XYLT1: variants seen among roughly 807,000 people sequenced by gnomAD.
XYLT1 encodes the protein beta-D-xylosyltransferase 1.
XYLT1 carries 36 observed loss-of-function variants against 91.3 expected under a neutral mutation model. The observed-to-expected ratio is 0.39, with a 90% confidence interval of 0.30 to 0.52. The LOEUF (loss-of-function observed/expected upper bound fraction) is 0.52. XYLT1 is among the 20% of genes least tolerant of loss of function. The pLI is 0.68. For missense variants in XYLT1, 1,242 were observed against 1,284.5 expected, an observed-to-expected ratio of 0.97 and a Z score of 0.51; for synonymous variants, 588 against 532.0, an observed-to-expected ratio of 1.11 and a Z score of -1.45.
chr16:17,456,434 G>A (rs746254797), intron 1 of XYLT1, among the ~76,000 whole-genome samples: 25 of 150,760 alleles, frequency 1.7e-4, no homozygotes, highest in Non-Finnish European at 3.7e-4. Context: ...ACCTCCCAGG[G>A]TCAAGTGATC....
At chr16:17,324,098 C>A (rs888921699) in intron 2 of XYLT1, among the ~76,000 whole-genome samples, 3 of 152,116 alleles carry the variant, frequency 2.0e-5, no homozygotes, top group Non-Finnish European at 4.4e-5. Flanking sequence ...ACATGCTTCC[C>A]AACTCATCTT....
At chr16:17,469,354 AACAG>A (rs769650605) in intron 1 of XYLT1, among the ~76,000 whole-genome samples, 46 of 152,354 alleles carry the variant, frequency 3.0e-4, no homozygotes, top group Non-Finnish European at 6.0e-4. Context: ...GTGATGAAGA[AACAG>A]ACAGACACAC....
At chr16:17,408,638 G>C (rs991512632) in intron 1 of XYLT1, among the ~76,000 whole-genome samples, 4 of 152,228 alleles carry the variant, frequency 2.6e-5, no homozygotes, top group African/African-American at 9.6e-5. Context: ...CTGAAGTCAG[G>C]AGTTTGAGAC....
chr16:17,167,957 C>T (rs2031737641), intron 5 of XYLT1, among the ~76,000 whole-genome samples: 1 of 152,190 alleles, frequency 6.6e-6, no homozygotes, highest in South Asian at 2.1e-4. Context: ...CCTCCACACT[C>T]CAGACGGTTT....
In XYLT1 at chr16:17,112,988, C is replaced by T. The variant is rs141077890; in HGVS notation, c.2558-3971G>A. 6.1e-3 allele frequency among the ~76,000 whole-genome samples: 932 copies of T among 152,000 alleles called. 9 individuals carry two copies. The highest frequency in any genetic ancestry group is 0.021 in the African/African-American group (867 of 41,426). On this transcript the variant is annotated intron_variant, in intron 11 of 11. Transcript: ENST00000261381. Reference sequence around the variant, plus strand: ...CCGAGTAGCTGGGATCACAGGCACACGTCACCACACCCGGCTAATTTTGTA... The same window carrying T: ...CCGAGTAGCTGGGATCACAGGCACATGTCACCACACCCGGCTAATTTTGTA...
intron 1 of XYLT1, among the ~76,000 whole-genome samples, chr16:17,396,111 C>T (rs958704731): frequency 2.0e-5 from 3 of 152,198 alleles, no homozygotes; most frequent in African/African-American, 7.2e-5. Context: ...CCCAGGCAGA[C>T]TCTCTGAGTC....
chr16:17,413,954 T>C (rs1231969537), intron 1 of XYLT1, among the ~76,000 whole-genome samples: 1 of 152,168 alleles, frequency 6.6e-6, no homozygotes, highest in Non-Finnish European at 1.5e-5. Context: ...AGCAGGCAGC[T>C]AGAGACCCCT....
At chr16:17,277,465 C>T (rs2033994658) in intron 2 of XYLT1, among the ~76,000 whole-genome samples, 1 of 152,182 alleles carries the variant, frequency 6.6e-6, no homozygotes, top group Non-Finnish European at 1.5e-5. Context: ...TCTCCAATCA[C>T]TGCAACCTCT....
rs74876822 is a variant in XYLT1, at chr16:17,235,571, C to T, written c.913+23417G>A. ...TGCACGAAAGGGACTGTTTGTTTCT[C>T]AGTCCCCAAAGACGCGCTGAGTCAC... On this transcript the variant is annotated intron_variant, in intron 3 of 11. Transcript: ENST00000261381. Among the ~76,000 whole-genome samples, 217 of 152,264 alleles carry T rather than the reference C, an allele frequency of 1.4e-3. 1 individual carries two copies. Among genetic ancestry groups the T allele is most frequent in the African/African-American group, 5.1e-3 (212 of 41,556 alleles).
intron 6 of XYLT1, among the ~76,000 whole-genome samples, chr16:17,151,779 G>A (rs2141532951): frequency 6.6e-6 from 1 of 152,312 alleles, no homozygotes. Context: ...TCTGGCAGAT[G>A]GGGTTCAGGC....
At chr16:17,271,141 CCTAA>C (rs1417551230) in intron 2 of XYLT1, among the ~76,000 whole-genome samples, 8 of 124,464 alleles carry the variant, frequency 6.4e-5, no homozygotes, top group South Asian at 2.6e-4. Context: ...AGAGAGGCCT[CCTAA>C]CTGTTTTTTG....
intron 2 of XYLT1, among the ~76,000 whole-genome samples, chr16:17,346,317 G>A (rs919267566): frequency 1.4e-4 from 21 of 152,128 alleles, no homozygotes; most frequent in Admixed American, 1.1e-3. Flanking sequence ...ACCCTAGGAG[G>A]ATCCAGAGTC....
chr16:17,138,725 A>ATAAATT, intron 7 of XYLT1, 194 bp from the exon 8 acceptor site: 1 of 566,672 alleles, frequency 1.8e-6, no homozygotes, highest in Non-Finnish European at 3.0e-6. Flanking sequence ...TCTTTTCTTT[A>ATAAATT]TAAATTACCA....
At chr16:17,465,735 T>C (rs1420164029) in intron 1 of XYLT1, among the ~76,000 whole-genome samples, 3 of 152,196 alleles carry the variant, frequency 2.0e-5, no homozygotes, top group South Asian at 2.1e-4. Flanking sequence ...CCCTACACTG[T>C]ACGGGAAAAT....
chr16:17,158,577 T>G (rs1168310786), intron 6 of XYLT1, among the ~76,000 whole-genome samples: 1 of 152,218 alleles, frequency 6.6e-6, no homozygotes, highest in Non-Finnish European at 1.5e-5. Context: ...GATATTGGAC[T>G]TGTGGAAGTC....
At chr16:17,410,381 TCA>T (rs1485339312) in intron 1 of XYLT1, among the ~76,000 whole-genome samples, 1 of 152,136 alleles carries the variant, frequency 6.6e-6, no homozygotes, top group Non-Finnish European at 1.5e-5. Context: ...TGGAGAGGCC[TCA>T]CAACCATGGC....
chr16:17,412,436 C>T (rs1437428731), intron 1 of XYLT1, among the ~76,000 whole-genome samples: 1 of 151,290 alleles, frequency 6.6e-6, no homozygotes, highest in African/African-American at 2.4e-5. Context: ...TTAACTCAGC[C>T]TAGACTCTAC....
chr16:17,384,240 G>A (rs1462559138), intron 1 of XYLT1, among the ~76,000 whole-genome samples: 1 of 151,644 alleles, frequency 6.6e-6, no homozygotes, highest in African/African-American at 2.4e-5. Context: ...GAAAGCAAAT[G>A]AGCAGGTAGG....
At chr16:17,183,440 A>G (rs1597175077) in intron 5 of XYLT1, among the ~76,000 whole-genome samples, 1 of 122,742 alleles carries the variant, frequency 8.1e-6, no homozygotes, top group Non-Finnish European at 1.8e-5. Context: ...ACCCGTTGGC[A>G]AAAAACTCAG....
Sources: allele counts gnomAD v4.1 joint callset (sites outside exome capture counted in the v4.1 genomes callset), GRCh38; gene constraint gnomAD v4.1.1; transcripts MANE v1.5; gene names NCBI Gene and HGNC (gene_info 2026-07-23, HGNC 2026-07-21).